The following STK3 variants were observed in gnomAD, a reference collection of about 807,000 sequenced individuals.
The protein encoded by STK3 is serine/threonine-protein kinase 3.
STK3 carries 41 observed loss-of-function variants against 58.0 expected under a neutral mutation model. That is an observed-to-expected ratio of 0.71 (90% CI 0.55 to 0.92). The LOEUF (loss-of-function observed/expected upper bound fraction) is 0.92. STK3 is among the 40% of genes least tolerant of loss of function. The probability of loss-of-function intolerance (pLI) is 0.00; values close to 1 mark genes in which losing one functional copy is unlikely to be tolerated. For missense variants in STK3, 479 were observed against 602.7 expected, an observed-to-expected ratio of 0.79 and a Z score of 2.15; for synonymous variants, 170 against 191.0, an observed-to-expected ratio of 0.89 and a Z score of 0.91.
chr8:98,370,614 G>T (rs79611626), downstream of STK3, among the ~76,000 whole-genome samples: 265 of 152,240 alleles, frequency 1.7e-3, no homozygotes, highest in African/African-American at 5.9e-3. Flanking sequence ...ACACAGTGGG[G>T]TGTCAGCACA....
intron 1 of STK3, chr8:98,439,206 C>T (rs1176046456): frequency 6.6e-6 from 1 of 152,114 alleles, no homozygotes. Flanking sequence ...TCTCCAGTGC[C>T]CAATACAATG....
chr8:98,451,736 C>T (rs371973526), downstream of STK3, among the ~76,000 whole-genome samples: 24 of 152,214 alleles, frequency 1.6e-4, no homozygotes, highest in East Asian at 2.5e-3. Flanking sequence ...CAGGGCAAAA[C>T]TGACTGACTC....
rs1014306171 is a variant in STK3, at chr8:98,420,048, T to C, written n.483+14079A>G. Among the ~76,000 whole-genome samples the C allele has an allele frequency of 3.1e-4, 47 of 152,176 alleles. 1 individual carries two copies. The highest frequency in any genetic ancestry group is 1.3e-4 in the Admixed American group (2 of 15,264). ...CCATAACACAAGCAAGAAATCATTGTTTTCTAGTTGCCCTCCCCCTTGTCC... is the reference window on the plus strand; with the variant it reads ...CCATAACACAAGCAAGAAATCATTGCTTTCTAGTTGCCCTCCCCCTTGTCC... On this transcript the variant is annotated intron_variant and non_coding_transcript_variant, in intron 3 of 3. Coordinates refer to the STK3 transcript ENST00000517832.
At chr8:98,523,054 A>T (rs1193559437) in intron 10 of STK3, among the ~76,000 whole-genome samples, 1 of 152,154 alleles carries the variant, frequency 6.6e-6, no homozygotes, top group Non-Finnish European at 1.5e-5. Context: ...TTTGGTACAT[A>T]CCCAGAGGTA....
chr8:98,939,715 A>C (rs181669265), intron 1 of STK3, among the ~76,000 whole-genome samples: 176 of 152,314 alleles, frequency 1.2e-3, no homozygotes, highest in African/African-American at 3.7e-3. Flanking sequence ...AACACACACA[A>C]TATGAAAGCC....
In STK3 at chr8:98,704,780, A is replaced by C. The variant is rs550444716; in HGVS notation, c.684+1687T>G. 2.6e-5 allele frequency among the ~76,000 whole-genome samples: 4 copies of C among 152,308 alleles called. No individual in the cohort carries two copies. In the East Asian group the frequency reaches 7.7e-4, roughly 29 times the overall value. Reference sequence around the variant, plus strand: ...AGGATCAAATTTAACATGTTGAACTATTTGGTTGGAAAAATAAGATTTACA... The same window carrying C: ...AGGATCAAATTTAACATGTTGAACTCTTTGGTTGGAAAAATAAGATTTACA... On this transcript the variant is annotated intron_variant, in intron 6 of 10. Coordinates refer to ENST00000419617, the MANE Select transcript of STK3 (RefSeq NM_006281.4).
intron 7 of STK3, among the ~76,000 whole-genome samples, chr8:98,587,457 G>A (rs1342650789): frequency 4.6e-5 from 7 of 152,140 alleles, no homozygotes; most frequent in African/African-American, 1.7e-4. Flanking sequence ...ATTGTGGTCT[G>A]AGAGATAGTT....
chr8:98,618,918 C>G (rs1382791655), intron 6 of STK3, among the ~76,000 whole-genome samples: 5 of 150,058 alleles, frequency 3.3e-5, no homozygotes, highest in African/African-American at 1.2e-4. Flanking sequence ...CAATGCCATC[C>G]CCATCAAGCT....
chr8:98,822,009 TTGA>T (rs2131736399), intron 1 of STK3, among the ~76,000 whole-genome samples: 2 of 152,284 alleles, frequency 1.3e-5, no homozygotes, highest in South Asian at 4.1e-4. Context: ...ACATTATGTG[TTGA>T]TATGTGTACA....
At chr8:98,849,974 T>C (rs986874872) in intron 3 of STK3, among the ~76,000 whole-genome samples, 10 of 152,132 alleles carry the variant, frequency 6.6e-5, no homozygotes, top group Admixed American at 3.3e-4. Flanking sequence ...TTCAACACTT[T>C]CTGTATCTAT....
At chr8:98,581,135 T>G (rs1813847712) in intron 7 of STK3, among the ~76,000 whole-genome samples, 1 of 152,204 alleles carries the variant, frequency 6.6e-6, no homozygotes, top group Non-Finnish European at 1.5e-5. Context: ...TATATGCGAC[T>G]AAGTGAATGC....
At chr8:98,939,383 T>C (rs1483581910) in intron 1 of STK3, among the ~76,000 whole-genome samples, 1 of 152,246 alleles carries the variant, frequency 6.6e-6, no homozygotes. Flanking sequence ...ACTCCCAGTT[T>C]CTGACTTAGT....
intron 4 of STK3, among the ~76,000 whole-genome samples, chr8:98,715,491 C>T (rs1239674245): frequency 6.6e-6 from 1 of 151,986 alleles, no homozygotes; most frequent in Non-Finnish European, 1.5e-5. Flanking sequence ...AGACACTTCT[C>T]AAAAGAAGAC....
the STK3 span, among the ~76,000 whole-genome samples, chr8:98,359,183 A>C: frequency 6.6e-6 from 1 of 151,954 alleles, no homozygotes; most frequent in African/African-American, 2.4e-5. Context: ...GAGCTCCAAA[A>C]GACAGAGTCA....
At chr8:98,441,064 G>T (rs1818676905) in intron 1 of STK3, among the ~76,000 whole-genome samples, 1 of 152,172 alleles carries the variant, frequency 6.6e-6, no homozygotes, top group Admixed American at 6.5e-5. Context: ...ACACTAGAAG[G>T]TAGATATTTT....
At chr8:98,772,538 A>C (rs1288173560) in intron 2 of STK3, among the ~76,000 whole-genome samples, 1 of 152,088 alleles carries the variant, frequency 6.6e-6, no homozygotes, top group Non-Finnish European at 1.5e-5. Context: ...ATCTCTACTA[A>C]AAATATGAAA....
chr8:98,436,325 A>G (rs1818487123), intron 2 of STK3, among the ~76,000 whole-genome samples: 1 of 152,066 alleles, frequency 6.6e-6, no homozygotes, highest in Non-Finnish European at 1.5e-5. Context: ...CCACCTGCAA[A>G]GGACCCCTGT....
chr8:98,540,134 T>C (rs937489189), intron 9 of STK3, among the ~76,000 whole-genome samples: 1 of 152,166 alleles, frequency 6.6e-6, no homozygotes, highest in African/African-American at 2.4e-5. Flanking sequence ...CTCCAGTGTA[T>C]CTCCAGCCTT....
intron 2 of STK3, among the ~76,000 whole-genome samples, chr8:98,376,007 C>T (rs1817670405): frequency 6.6e-6 from 1 of 152,188 alleles, no homozygotes; most frequent in African/African-American, 2.4e-5. Context: ...CAACTTTTCA[C>T]TGGGGCTATC....
Sources: allele counts gnomAD v4.1 joint callset (sites outside exome capture counted in the v4.1 genomes callset), GRCh38; gene constraint gnomAD v4.1.1; transcripts MANE v1.5; gene names NCBI Gene and HGNC (gene_info 2026-07-23, HGNC 2026-07-21).